Variants in MYO10 observed in about 807,000 individuals in gnomAD.
MYO10 encodes the protein unconventional myosin-X.
A neutral mutation model predicts 257.3 loss-of-function variants in MYO10; 133 were observed. That is an observed-to-expected ratio of 0.52 (90% CI 0.45 to 0.60). The LOEUF is 0.60. MYO10 is among the 20% of genes least tolerant of loss of function. MYO10 has a pLI of 0.00. For missense variants in MYO10, 2,399 were observed against 2,635.7 expected (o/e 0.91, Z 1.97); for synonymous variants, 1,104 against 1,028.6 (o/e 1.07, Z -1.40).
intron 30 of MYO10, among the ~76,000 whole-genome samples, 179 bp from the exon 31 acceptor site, chr5:16,682,192 A>G (rs1446868738): frequency 2.6e-5 from 4 of 152,170 alleles, no homozygotes; most frequent in African/African-American, 9.7e-5. Context: ...TCTTTTACGC[A>G]TCATTAACCT....
chr5:16,883,193 G>T (rs983739259), intron 1 of MYO10, among the ~76,000 whole-genome samples: 1 of 152,096 alleles, frequency 6.6e-6, no homozygotes, highest in Non-Finnish European at 1.5e-5. Flanking sequence ...GGGATTACAG[G>T]TGTGAGCCAC....
intron 2 of MYO10, among the ~76,000 whole-genome samples, chr5:16,871,634 G>T (rs925288634): frequency 2.0e-5 from 3 of 152,118 alleles, no homozygotes; most frequent in African/African-American, 7.2e-5. Flanking sequence ...TCCCTGGCCA[G>T]TTAAGTGCAG....
In MYO10 at chr5:16,673,752, G is replaced by A. The variant is rs768514457; in HGVS notation, c.5102C>T (p.Thr1701Ile). 8 of 1,614,022 alleles carry A rather than the reference G, an allele frequency of 5.0e-6. No individual in the cohort carries two copies. Among genetic ancestry groups the A allele is most frequent in the Non-Finnish European group, 6.8e-6 (8 of 1,179,906 alleles). ...IEALIHRQEM[T>I]STVYCHGGGS... ...GCCGCCATGGCAATAGACCGTGGAT[G>A]TCATTTCCTGCCTGTGGATCAGAGC... Residue 1701 changes from threonine (T) to isoleucine (I), a missense_variant, in exon 36 of 41, where the codon ACA becomes ATA. This residue lies in a region of MYO10 where 1,820 missense variants were observed against 1,939.4 expected (regional missense o/e 0.94). Coordinates refer to ENST00000513610, the MANE Select transcript of MYO10 (RefSeq NM_012334.3).
chr5:16,800,700 T>C (rs1297472251), intron 3 of MYO10, among the ~76,000 whole-genome samples: 4 of 152,126 alleles, frequency 2.6e-5, no homozygotes, highest in Admixed American at 6.5e-5. Context: ...TTGGCCTCAC[T>C]ACACTGGTTC....
At chr5:16,778,690 T>G (rs377450173) in intron 9 of MYO10, among the ~76,000 whole-genome samples, 9 of 11,202 alleles carry the variant, frequency 8.0e-4, no homozygotes, top group Non-Finnish European at 1.8e-3. Context: ...TTGCTGAGGT[T>G]TTTTTTTTTT....
chr5:16,767,834 C>T (rs1329167920), intron 10 of MYO10, among the ~76,000 whole-genome samples: 3 of 151,934 alleles, frequency 2.0e-5, no homozygotes, highest in South Asian at 2.1e-4. Flanking sequence ...CACACCACCA[C>T]GCCTGGCTAA....
intron 4 of MYO10, among the ~76,000 whole-genome samples, chr5:16,785,357 G>C (rs1484128086): frequency 2.6e-5 from 4 of 152,214 alleles, no homozygotes; most frequent in Non-Finnish European, 5.9e-5. Flanking sequence ...GAAACCAAGA[G>C]AGACAGTTTC....
chr5:16,930,076 G>T (rs905469273), intron 1 of MYO10, among the ~76,000 whole-genome samples: 2 of 152,122 alleles, frequency 1.3e-5, no homozygotes, highest in Admixed American at 1.3e-4. Flanking sequence ...ATTTAACCTC[G>T]CAAGGCTGTT....
At chr5:16,668,146 C>G in intron 40 of MYO10, 131 bp downstream of exon 40, 1 of 953,422 alleles carries the variant, frequency 1.0e-6, no homozygotes, top group Non-Finnish European at 1.5e-6. Context: ...GGGACCACCA[C>G]ACTGTATTTT....
intron 19 of MYO10, among the ~76,000 whole-genome samples, chr5:16,718,102 G>A (rs956507139): frequency 2.0e-5 from 3 of 152,242 alleles, no homozygotes; most frequent in Non-Finnish European, 4.4e-5. Flanking sequence ...CTGGGCCAGT[G>A]GCTGCGGAGG....
chr5:16,698,646 C>G (rs1395766450), intron 26 of MYO10, among the ~76,000 whole-genome samples: 4 of 55,104 alleles, frequency 7.3e-5, no homozygotes, highest in African/African-American at 6.0e-4. Flanking sequence ...TTTTTTGAGA[C>G]AGCGTCTGGC....
chr5:16,764,433 C>T (rs761731476), intron 11 of MYO10, 37 bp from the exon 12 acceptor site: 62 of 1,609,266 alleles, frequency 3.9e-5, no homozygotes, highest in Non-Finnish European at 5.2e-5. Flanking sequence ...CAGCTGACCC[C>T]GGGCACCCCA....
At chr5:16,826,798 G>A (rs1381742699) in intron 2 of MYO10, among the ~76,000 whole-genome samples, 1 of 152,038 alleles carries the variant, frequency 6.6e-6, no homozygotes, top group Non-Finnish European at 1.5e-5. Flanking sequence ...TCGTGTATTG[G>A]CTCTTTAATT....
intron 9 of MYO10, among the ~76,000 whole-genome samples, chr5:16,775,179 A>C (rs185600269): frequency 1.3e-5 from 2 of 152,302 alleles, no homozygotes; most frequent in African/African-American, 4.8e-5. Context: ...TAACACTTTA[A>C]GGGGCAATTT....
rs1736036712 is a variant in MYO10, at chr5:16,663,220, T to C, written c.*3472A>G. ...TGAGTAAATGATTGGACAGCTTAAA[T>C]TATTTTTGAGAGAATATTCAATAAA... is the stretch of plus-strand genomic sequence containing the variant. On this transcript the variant is annotated 3_prime_UTR_variant, in exon 41 of 41. Coordinates refer to ENST00000513610, the MANE Select transcript of MYO10 (RefSeq NM_012334.3). 1 of 151,992 alleles carries C rather than the reference T, an allele frequency of 6.6e-6. No individual in the cohort carries two copies. Among genetic ancestry groups the C allele is most frequent in the South Asian group, 2.1e-4 (1 of 4,824 alleles). The allele number at this position is 151,992 out of a possible 1,614,324, so 9.4% of individuals were successfully genotyped here. A position where few individuals can be genotyped will look rare whatever the true frequency, so the allele number is the denominator to read the frequency against.
rs1561000454 is a variant in MYO10 at position 16,818,096 on chromosome 5, G to A, written c.192C>T (p.Gly64=). ...VTAMHPTNEE[G]VDDMASLTEL... ...CTGTCAAGGACGCCATGTCATCCAC[G>A]CCCTCCTCGTTCGTGGGGTGCATAG... Residue 64 remains glycine (G), a synonymous_variant, in exon 3 of 41, where the codon GGC becomes GGT. Transcript: ENST00000513610. 4 of 1,611,752 alleles carry A rather than the reference G, an allele frequency of 2.5e-6. No individual in the cohort carries two copies. Among genetic ancestry groups the A allele is most frequent in the African/African-American group, 2.7e-5 (2 of 74,854 alleles).
intron 34 of MYO10, among the ~76,000 whole-genome samples, chr5:16,675,555 T>C (rs1180317101): frequency 6.6e-6 from 1 of 152,044 alleles, no homozygotes; most frequent in Admixed American, 6.6e-5. Context: ...CTGGGCAATA[T>C]GGCGAAACCC....
intron 2 of MYO10, among the ~76,000 whole-genome samples, chr5:16,868,935 A>C (rs893191387): frequency 6.6e-6 from 1 of 152,236 alleles, no homozygotes; most frequent in African/African-American, 2.4e-5. Flanking sequence ...GGCAAAAACA[A>C]ACAACAAAAA....
intron 16 of MYO10, 123 bp downstream of exon 16, chr5:16,761,922 G>T: frequency 2.9e-6 from 3 of 1,029,008 alleles, no homozygotes; most frequent in Non-Finnish European, 2.7e-6. Flanking sequence ...CAAAGTACTG[G>T]GACTGTAGGC....
Sources: gnomAD v4.1 joint callset for allele counts (sites outside exome capture counted in the v4.1 genomes callset) on GRCh38, gnomAD v4.1.1 for gene constraint, gnomAD v4.1.1 regional missense constraint, MANE v1.5 for transcripts, NCBI Gene and HGNC (gene_info 2026-07-23, HGNC 2026-07-21) for gene names.